SRRM3: variants seen among roughly 807,000 people sequenced by gnomAD.
The protein encoded by SRRM3 is serine/arginine repetitive matrix 3.
Under a neutral mutation model 66.2 loss-of-function variants are expected in SRRM3, and 27 were observed. The ratio of observed to expected loss-of-function variants is 0.41; its 90% CI spans 0.30 to 0.56. The LOEUF (loss-of-function observed/expected upper bound fraction) is 0.56. SRRM3 is among the 20% of genes least tolerant of loss of function. The probability of loss-of-function intolerance (pLI) is 0.32; values close to 1 mark genes in which losing one functional copy is unlikely to be tolerated. For missense variants in SRRM3, 918 were observed against 991.9 expected, an observed-to-expected ratio of 0.93 and a Z score of 1.00; for synonymous variants, 391 against 414.9, an observed-to-expected ratio of 0.94 and a Z score of 0.70.
intron 2 of SRRM3, among the ~76,000 whole-genome samples, chr7:76,243,665 G>C (rs1415875284): frequency 6.6e-6 from 1 of 152,114 alleles, no homozygotes; most frequent in Non-Finnish European, 1.5e-5. Flanking sequence ...GAAACCCCCT[G>C]CCAGCCCCCC....
chr7:76,263,154 T>C (rs1563632982), intron 8 of SRRM3, among the ~76,000 whole-genome samples: 1 of 152,154 alleles, frequency 6.6e-6, no homozygotes, highest in Non-Finnish European at 1.5e-5. Flanking sequence ...ACACACACCC[T>C]CTGGCCAGCT....
chr7:76,257,761 G>A (rs1244484560), intron 3 of SRRM3, among the ~76,000 whole-genome samples: 8 of 151,806 alleles, frequency 5.3e-5, no homozygotes, highest in African/African-American at 1.9e-4. Context: ...GACAGGGTGA[G>A]ACCCTGTCTC....
At chr7:76,272,761 C>A (rs2117090849) in intron 11 of SRRM3, among the ~76,000 whole-genome samples, 1 of 152,338 alleles carries the variant, frequency 6.6e-6, no homozygotes, top group South Asian at 2.1e-4. Flanking sequence ...CCTTGGGGCT[C>A]TCTCTGGCTT....
At chr7:76,267,483 C>T (rs1802099105) in intron 11 of SRRM3, 48 bp downstream of exon 11, 5 of 1,038,738 alleles carry the variant, frequency 4.8e-6, no homozygotes, top group Non-Finnish European at 2.3e-6. Flanking sequence ...CGGGCTGCGC[C>T]GTGCGTGGTC....
rs1348132137 is a variant in SRRM3, at chr7:76,286,005, T to G, written c.*162T>G. On this transcript the variant is annotated 3_prime_UTR_variant, in exon 15 of 15. Transcript: ENST00000611745. ...ATGGGACCGGGGAAGACTTTGAGGG[T>G]GGGCATCCAGTGGACAAGGAGAAGC... 3 of 770,484 alleles carry G rather than the reference T, an allele frequency of 3.9e-6. No homozygotes were observed. The highest frequency in any genetic ancestry group is 4.2e-6 in the Non-Finnish European group (2 of 479,314). The allele number at this position is 770,484 out of a possible 1,614,324, so 47.7% of individuals were successfully genotyped here. A position where few individuals can be genotyped will look rare whatever the true frequency, so the allele number is the denominator to read the frequency against.
chr7:76,266,525 T>TATTTAATATATATTTATATATTAC (rs1563635341), intron 10 of SRRM3, among the ~76,000 whole-genome samples: 13 of 111,826 alleles, frequency 1.2e-4, no homozygotes, highest in African/African-American at 4.1e-4. Flanking sequence ...TTATATATTA[T>TATTTAATATATATTTATATATTAC]ATATTTAATA....
At chr7:76,210,573 G>A (rs1277949009) in intron 1 of SRRM3, among the ~76,000 whole-genome samples, 5 of 152,118 alleles carry the variant, frequency 3.3e-5, no homozygotes, top group Admixed American at 3.3e-4. Context: ...CTAGGCATTA[G>A]GTAAAGAGAG....
At chr7:76,250,984 C>T (rs782358992) in intron 3 of SRRM3, among the ~76,000 whole-genome samples, 43 of 152,186 alleles carry the variant, frequency 2.8e-4, no homozygotes, top group Non-Finnish European at 5.3e-4. Flanking sequence ...TTTGCCTGGA[C>T]TCCCCGCCCT....
intron 8 of SRRM3, among the ~76,000 whole-genome samples, chr7:76,264,204 A>G (rs1372900945): frequency 9.8e-6 from 1 of 101,768 alleles, no homozygotes; most frequent in African/African-American, 4.1e-5. Flanking sequence ...TTTCACTCTT[A>G]TTGCCCAGGC....
At chr7:76,220,446 C>G (rs1253930278) in intron 1 of SRRM3, among the ~76,000 whole-genome samples, 1 of 152,164 alleles carries the variant, frequency 6.6e-6, no homozygotes, top group African/African-American at 2.4e-5. Flanking sequence ...TGGAGCTGGA[C>G]AGGGATAGCG....
At chr7:76,261,491 GTCT>G (rs1801868568) in intron 7 of SRRM3, 52 bp from the exon 8 acceptor site, 7 of 1,602,172 alleles carry the variant, frequency 4.4e-6, no homozygotes, top group Middle Eastern at 1.6e-4. Flanking sequence ...CCCTCCATAG[GTCT>G]CCCCTGGGCC....
chr7:76,213,492 C>G (rs112631889), intron 1 of SRRM3, among the ~76,000 whole-genome samples: 92 of 152,256 alleles, frequency 6.0e-4, no homozygotes, highest in Non-Finnish European at 9.6e-4. Flanking sequence ...AAGTGGTTGA[C>G]CCACAGAGGT....
intron 1 of SRRM3, among the ~76,000 whole-genome samples, chr7:76,227,218 C>T (rs1488594090): frequency 1.3e-5 from 2 of 151,900 alleles, no homozygotes; most frequent in East Asian, 3.9e-4. Context: ...AGGGTAAAGA[C>T]TTCCCATGTG....
chr7:76,235,160 T>C lies in SRRM3; in HGVS notation c.94T>C (p.Trp32Arg), dbSNP rs1554604655. ...FPQPSSSSGT[W>R]PRAEEELRAA... is the part of the protein sequence containing the mutation. ...GCAGCCCAGCTCCTCCTCGGGGACC[T>C]GGCCGCGGGCGGAAGAGGAGCTGCG... Residue 32 changes from tryptophan to arginine, a missense_variant, in exon 2 of 15, where the codon TGG becomes CGG. Physicochemically the swap from Trp to Arg is moderately radical, Grantham distance 101. Transcript: ENST00000611745. 2 of 1,539,072 alleles carry C rather than the reference T, an allele frequency of 1.3e-6. No individual in the cohort carries two copies. The highest frequency in any genetic ancestry group is 1.7e-6 in the Non-Finnish European group (2 of 1,149,560).
In SRRM3 at chr7:76,283,096, C is replaced by T; in HGVS notation, c.1728C>T (p.Ile576=). 1 of 1,449,918 alleles carries T rather than the reference C, an allele frequency of 6.9e-7. No individual in the cohort carries two copies. The highest frequency in any genetic ancestry group is 9.0e-7 in the Non-Finnish European group (1 of 1,108,422). 89.8% of individuals were successfully genotyped at this position (1,449,918 alleles called of 1,614,324 possible). ...CAAGCTTCATGGAGCCGCGGCGCAT[C>T]ACCAGGTATGGAGGGTCTTGGGGGG... ...DSPSFMEPRR[I]TSARKRPIPY... Residue 576 remains isoleucine, a synonymous_variant, in exon 14 of 15, where the codon ATC becomes ATT. Transcript: ENST00000611745.
In SRRM3 at chr7:76,286,946, C is replaced by A. The variant is rs889707988; in HGVS notation, c.*1103C>A. Reference sequence around the variant, plus strand: ...GTGCTTTGGACCTGACAAGGGAGTACCTTGGGGGTCTGATGGGGTCATGGC... The same window carrying A: ...GTGCTTTGGACCTGACAAGGGAGTAACTTGGGGGTCTGATGGGGTCATGGC... On this transcript the variant is annotated 3_prime_UTR_variant, in exon 15 of 15. Transcript: ENST00000611745. The A allele has an allele frequency of 6.5e-6, 1 of 152,678 alleles. No homozygotes were observed. Among genetic ancestry groups the A allele is most frequent in the African/African-American group, 2.4e-5 (1 of 41,414 alleles). 9.5% of individuals were successfully genotyped at this position (152,678 alleles called of 1,614,324 possible). A position where few individuals can be genotyped will look rare whatever the true frequency, so the allele number is the denominator to read the frequency against.
rs1801814630 is a variant in SRRM3 at position 76,260,052 on chromosome 7, CG to C, written c.464+23del. ...GGGTACAGGTCAGCGGCCGCCGCGG[CG>C]GGGGTGGGGGGCGCGCGGGGCTGCC... On this transcript the variant is annotated intron_variant, in intron 4 of 14. Transcript: ENST00000611745. 1 of 1,501,520 alleles carries C rather than the reference CG, an allele frequency of 6.7e-7. No individual in the cohort carries two copies. The highest frequency in any genetic ancestry group is 8.8e-7 in the Non-Finnish European group (1 of 1,132,480). 93.0% of individuals were successfully genotyped at this position (1,501,520 alleles called of 1,614,324 possible). A position where few individuals can be genotyped will look rare whatever the true frequency, so the allele number is the denominator to read the frequency against.
At chr7:76,264,138 C>A (rs1801951613) in intron 8 of SRRM3, among the ~76,000 whole-genome samples, 1 of 150,866 alleles carries the variant, frequency 6.6e-6, no homozygotes, top group African/African-American at 2.4e-5. Flanking sequence ...GAGGCTGCCA[C>A]ACCTGCAAAC....
At chr7:76,235,364 T>C in intron 2 of SRRM3, 65 bp downstream of exon 2, 1 of 1,341,514 alleles carries the variant, frequency 7.5e-7, no homozygotes, top group Non-Finnish European at 9.8e-7. Context: ...GAGAAGCGAG[T>C]GATGCTGCAC....
Sources: allele counts gnomAD v4.1 joint callset (sites outside exome capture counted in the v4.1 genomes callset), GRCh38; gene constraint gnomAD v4.1.1; transcripts MANE v1.5; gene names NCBI Gene and HGNC (gene_info 2026-07-23, HGNC 2026-07-21).